Variants in ASIC2 observed in about 807,000 individuals in gnomAD.
The protein encoded by ASIC2 is acid-sensing ion channel 2.
ASIC2 carries 25 observed loss-of-function variants against 57.3 expected under a neutral mutation model. That is an observed-to-expected ratio of 0.44 (90% CI 0.32 to 0.61). ASIC2 has a LOEUF of 0.61. Ranked by LOEUF, ASIC2 falls within the 20% of genes least tolerant of loss-of-function variation. ASIC2 has a pLI of 0.06. For synonymous variants in ASIC2, 319 were observed against 307.5 expected (o/e 1.04, Z -0.39); for missense variants, 641 against 738.1 (o/e 0.87, Z 1.52).
rs148822187 is a variant in ASIC2, at chr17:33,614,781, A to T, written c.556-502714T>A. On this transcript the variant is annotated intron_variant, in intron 1 of 9. Transcript: ENST00000359872. ...TACATACATTTACCAAAATCATTAG[A>T]TATTCTTCCAGAGGGAGTATAACAG... Among the ~76,000 whole-genome samples, 1,134 of 152,322 alleles carry T rather than the reference A, an allele frequency of 7.4e-3. 25 individuals carry two copies. Among genetic ancestry groups the T allele is most frequent in the African/African-American group, 0.026 (1,096 of 41,566 alleles).
At chr17:33,890,994 G>T (rs7212703) in intron 1 of ASIC2, among the ~76,000 whole-genome samples, 1 of 151,960 alleles carries the variant, frequency 6.6e-6, no homozygotes, top group African/African-American at 2.4e-5. Flanking sequence ...CAAGTGCCTC[G>T]GGTGGTCTGA....
rs1905536860 is a variant in ASIC2 at position 33,292,538 on chromosome 17, C to T, written c.-423G>A. On this transcript the variant is annotated 5_prime_UTR_variant, in exon 1 of 10. Transcript: ENST00000225823. Reference sequence around the variant, plus strand: ...CCGAGTCCCCCCTGCCCCGCCTAACCCCAGCTTTTACGCTGGTCCTGGGAG... The same window carrying T: ...CCGAGTCCCCCCTGCCCCGCCTAACTCCAGCTTTTACGCTGGTCCTGGGAG... The T allele has an allele frequency of 2.0e-6, 2 of 985,856 alleles. No homozygotes were observed. The highest frequency in any genetic ancestry group is 5.2e-4 in the Middle Eastern group (1 of 1,918). The allele number at this position is 985,856 out of a possible 1,614,324, so 61.1% of individuals were successfully genotyped here.
chr17:33,138,555 G>A (rs908133455), intron 1 of ASIC2, among the ~76,000 whole-genome samples: 6 of 152,222 alleles, frequency 3.9e-5, no homozygotes, highest in South Asian at 2.1e-4. Context: ...ACCATTGCCC[G>A]TGGATTTTTT....
At chr17:33,851,844 T>G (rs1913774233) in intron 1 of ASIC2, among the ~76,000 whole-genome samples, 1 of 152,240 alleles carries the variant, frequency 6.6e-6, no homozygotes, top group Non-Finnish European at 1.5e-5. Flanking sequence ...GAACCTCAGC[T>G]TGTTTATCTC....
At chr17:34,091,842 T>G (rs978825734) in intron 1 of ASIC2, among the ~76,000 whole-genome samples, 1 of 152,190 alleles carries the variant, frequency 6.6e-6, no homozygotes, top group African/African-American at 2.4e-5. Flanking sequence ...ATATACAGAT[T>G]GGAATCCCAG....
intron 3 of ASIC2, among the ~76,000 whole-genome samples, chr17:33,056,615 C>T (rs186728044): frequency 7.9e-5 from 12 of 152,242 alleles, no homozygotes; most frequent in Admixed American, 2.0e-4. Context: ...TAGCCTAGGA[C>T]GCTCTATAAA....
rs187188389 is a variant in ASIC2, at chr17:33,782,685, T to C, written c.555+373293A>G. Among the ~76,000 whole-genome samples, 9 of 152,208 alleles carry C rather than the reference T, an allele frequency of 5.9e-5. No individual in the cohort carries two copies. The East Asian group carries it at 1.7e-3, about 29-fold the overall frequency. Reference sequence around the variant, plus strand: ...TCGAGGCTGCACTGAGCTGAGATCATACCACTGCACTCAGCCTGGGTGACA... The same window carrying C: ...TCGAGGCTGCACTGAGCTGAGATCACACCACTGCACTCAGCCTGGGTGACA... On this transcript the variant is annotated intron_variant, in intron 1 of 9. Transcript: ENST00000359872.
At chr17:33,919,574 A>G (rs1915666279) in intron 1 of ASIC2, among the ~76,000 whole-genome samples, 1 of 152,240 alleles carries the variant, frequency 6.6e-6, no homozygotes, top group African/African-American at 2.4e-5. Context: ...AAATCCTAGA[A>G]GAAAACCTAG....
intron 1 of ASIC2, among the ~76,000 whole-genome samples, chr17:33,736,762 A>G (rs1464321534): frequency 6.6e-6 from 1 of 151,962 alleles, no homozygotes. Flanking sequence ...CTATACTTAC[A>G]TAGACCATAT....
chr17:33,786,055 C>T (rs370731424), intron 1 of ASIC2, among the ~76,000 whole-genome samples: 153 of 152,302 alleles, frequency 1.0e-3, no homozygotes, highest in African/African-American at 3.5e-3. Flanking sequence ...CAAGCTCACG[C>T]AGCTGGAAGT....
At chr17:33,242,246 G>A (rs905991073) in intron 1 of ASIC2, among the ~76,000 whole-genome samples, 7 of 151,766 alleles carry the variant, frequency 4.6e-5, no homozygotes, top group African/African-American at 1.7e-4. Flanking sequence ...GAACCTGGGA[G>A]GCGGAGCTTG....
intron 3 of ASIC2, among the ~76,000 whole-genome samples, chr17:33,087,595 T>TTTTTTTTA (rs2092139817): frequency 2.7e-5 from 4 of 147,762 alleles, no homozygotes; most frequent in African/African-American, 1.0e-4. Context: ...TTTTTTTTTT[T>TTTTTTTTA]GAGACAGGGT....
chr17:33,397,814 C>T (rs991574117), intron 1 of ASIC2, among the ~76,000 whole-genome samples: 2 of 152,244 alleles, frequency 1.3e-5, no homozygotes, highest in African/African-American at 4.8e-5. Context: ...TCCACTTCTA[C>T]AACACTTTGA....
chr17:33,371,641 A>C (rs1387653624), intron 1 of ASIC2, among the ~76,000 whole-genome samples: 1 of 152,202 alleles, frequency 6.6e-6, no homozygotes, highest in Admixed American at 6.5e-5. Context: ...CAGCAGAGGA[A>C]TTCAAACGAT....
At chr17:33,639,693 A>G (rs1414048176) in intron 1 of ASIC2, among the ~76,000 whole-genome samples, 2 of 150,488 alleles carry the variant, frequency 1.3e-5, no homozygotes, top group African/African-American at 4.9e-5. Flanking sequence ...GACTCTTCTC[A>G]CCAAAAGGGG....
At chr17:34,036,676 ATTTGTT>A (rs1216912290) in intron 1 of ASIC2, 4 of 110,092 alleles carry the variant, frequency 3.6e-5, no homozygotes, top group Admixed American at 2.0e-4. Context: ...GATACTTTGA[ATTTGTT>A]TTTTTTTTTT....
intron 1 of ASIC2, among the ~76,000 whole-genome samples, chr17:33,501,043 C>T (rs1165516633): frequency 6.6e-6 from 1 of 152,244 alleles, no homozygotes; most frequent in African/African-American, 2.4e-5. Context: ...CTCCATGCTT[C>T]TGAGCACTCC....
At chr17:33,710,019 C>T (rs565875871) in intron 1 of ASIC2, among the ~76,000 whole-genome samples, 3 of 152,304 alleles carry the variant, frequency 2.0e-5, no homozygotes, top group Middle Eastern at 6.8e-3. Flanking sequence ...TCTGTCTCCA[C>T]ACATGCCATG....
chr17:33,156,457 A>G (rs1210438935), intron 1 of ASIC2, among the ~76,000 whole-genome samples: 1 of 152,136 alleles, frequency 6.6e-6, no homozygotes, highest in Non-Finnish European at 1.5e-5. Context: ...GCTTTTAAAA[A>G]TAATCATCAG....
Sources: allele counts gnomAD v4.1 joint callset (sites outside exome capture counted in the v4.1 genomes callset), GRCh38; gene constraint gnomAD v4.1.1; transcripts MANE v1.5; gene names NCBI Gene and HGNC (gene_info 2026-07-23, HGNC 2026-07-21).